The following SLC4A10 variants were observed in gnomAD, a reference collection of about 807,000 sequenced individuals.
The protein encoded by SLC4A10 is sodium-driven chloride bicarbonate exchanger.
A neutral mutation model predicts 137.7 loss-of-function variants in SLC4A10; 42 were observed. The observed-to-expected ratio is 0.30, with a 90% CI of 0.24 to 0.39. The LOEUF (loss-of-function observed/expected upper bound fraction) is 0.39. Ranked by LOEUF, SLC4A10 falls within the 10% of genes least tolerant of loss-of-function variation. SLC4A10 has a pLI of 1.00. For missense variants in SLC4A10, 925 were observed against 1,355.0 expected, an observed-to-expected ratio of 0.68 and a Z score of 4.98; for synonymous variants, 474 against 464.1, an observed-to-expected ratio of 1.02 and a Z score of -0.27.
intron 3 of SLC4A10, among the ~76,000 whole-genome samples, chr2:161,810,401 T>C (rs2056425723): frequency 1.3e-5 from 2 of 152,210 alleles, no homozygotes; most frequent in South Asian, 2.1e-4. Flanking sequence ...TCCTATACTA[T>C]GTTAAATAGG....
intron 1 of SLC4A10, among the ~76,000 whole-genome samples, chr2:161,638,277 A>G (rs2034744585): frequency 6.6e-6 from 1 of 152,158 alleles, no homozygotes; most frequent in African/African-American, 2.4e-5. Flanking sequence ...CTTACATTTA[A>G]GTATTTAATC....
At chr2:161,804,385 A>T in intron 2 of SLC4A10, 64 bp from the exon 3 acceptor site, 1 of 1,529,588 alleles carries the variant, frequency 6.5e-7, no homozygotes, top group Non-Finnish European at 8.9e-7. Context: ...TTAACATGTA[A>T]ATCATCATAT....
chr2:161,743,633 C>G (rs907770858), intron 1 of SLC4A10, among the ~76,000 whole-genome samples: 1 of 151,776 alleles, frequency 6.6e-6, no homozygotes, highest in Non-Finnish European at 1.5e-5. Flanking sequence ...TTTTATGGTT[C>G]CATATACATT....
At position 161,961,828 on chromosome 2, in the gene SLC4A10, C is replaced by G. The variant is rs139167520; in HGVS notation, c.2863-2307C>G. Among the ~76,000 whole-genome samples, 91 of 152,092 alleles carry G rather than the reference C, an allele frequency of 6.0e-4. 1 individual carries two copies. Among genetic ancestry groups the G allele is most frequent in the African/African-American group, 2.1e-3 (86 of 41,484 alleles). ...ATTGAAGAAAACGTTATCAAAAGCC[C>G]ATGAGTTAAATATAATGAGTTTTAA... is the stretch of plus-strand genomic sequence containing the variant. On this transcript the variant is annotated intron_variant, in intron 21 of 26. Coordinates refer to ENST00000446997, the MANE Select transcript of SLC4A10 (RefSeq NM_001178015.2).
intron 2 of SLC4A10, among the ~76,000 whole-genome samples, chr2:161,771,869 A>T (rs1559214601): frequency 6.6e-6 from 1 of 151,858 alleles, no homozygotes; most frequent in Non-Finnish European, 1.5e-5. Context: ...GAAAAGTAAA[A>T]GCAAGGTGAT....
intron 1 of SLC4A10, among the ~76,000 whole-genome samples, chr2:161,666,265 A>G (rs180864081): frequency 1.8e-4 from 27 of 151,802 alleles, no homozygotes; most frequent in African/African-American, 6.5e-4. Context: ...ATTGTACCAA[A>G]TAAAATTTTA....
chr2:161,829,360 A>G (rs2058271277), intron 3 of SLC4A10, among the ~76,000 whole-genome samples: 1 of 152,226 alleles, frequency 6.6e-6, no homozygotes, highest in South Asian at 2.1e-4. Flanking sequence ...AAGTACAGCC[A>G]GGCTGAAGAC....
In SLC4A10 at chr2:161,652,398, G is replaced by C. The variant is rs545412264; in HGVS notation, c.48+27832G>C. 4.6e-5 allele frequency among the ~76,000 whole-genome samples: 7 copies of C among 152,086 alleles called. No homozygotes were observed. In the South Asian group the frequency reaches 1.5e-3, roughly 32 times the overall value. ...GTAATTTTTTCTTGTTGTTTTGAGG[G>C]ATCATGTTGAATGCAAGAGAAAAGA... On this transcript the variant is annotated intron_variant, in intron 1 of 26. Coordinates refer to ENST00000446997, the MANE Select transcript of SLC4A10 (RefSeq NM_001178015.2).
chr2:161,957,413 G>A (rs1025818958), intron 20 of SLC4A10, among the ~76,000 whole-genome samples, 173 bp downstream of exon 20: 9 of 152,158 alleles, frequency 5.9e-5, no homozygotes, highest in Non-Finnish European at 1.0e-4. Context: ...GGGAAATTAC[G>A]TCCTATATTT....
intron 16 of SLC4A10, among the ~76,000 whole-genome samples, chr2:161,944,140 C>G (rs1344058421): frequency 6.6e-6 from 1 of 151,806 alleles, no homozygotes; most frequent in African/African-American, 2.4e-5. Context: ...CAGTCTGCTT[C>G]CACTCAAAGA....
At chr2:161,830,563 A>G (rs2058370957) in intron 3 of SLC4A10, among the ~76,000 whole-genome samples, 1 of 152,078 alleles carries the variant, frequency 6.6e-6, no homozygotes, top group Non-Finnish European at 1.5e-5. Context: ...AAAAAAACCC[A>G]GAAACAAACA....
At chr2:161,661,620 A>G (rs142590370) in intron 1 of SLC4A10, among the ~76,000 whole-genome samples, 1,574 of 152,338 alleles carry the variant, frequency 0.01, 19 homozygotes, top group Middle Eastern at 0.048. Flanking sequence ...ATTTTACTGT[A>G]TGAGATTTTC....
At chr2:161,961,372 T>G (rs1696681181) in intron 21 of SLC4A10, among the ~76,000 whole-genome samples, 1 of 152,068 alleles carries the variant, frequency 6.6e-6, no homozygotes, top group African/African-American at 2.4e-5. Context: ...CTGGGAAAAA[T>G]GAACTGGGAG....
intron 6 of SLC4A10, 122 bp downstream of exon 6, chr2:161,863,184 G>T (rs1332084920): frequency 8.3e-6 from 8 of 968,178 alleles, no homozygotes; most frequent in Non-Finnish European, 1.0e-5. Context: ...GATTATTGTA[G>T]AATTCTTTTC....
At chr2:161,785,704 C>T (rs1272799034) in intron 2 of SLC4A10, among the ~76,000 whole-genome samples, 1 of 151,634 alleles carries the variant, frequency 6.6e-6, no homozygotes, top group Non-Finnish European at 1.5e-5. Context: ...ACAATAAAGG[C>T]CATATATGAC....
chr2:161,767,088 A>G (rs2050891973), intron 1 of SLC4A10, among the ~76,000 whole-genome samples: 1 of 104,994 alleles, frequency 9.5e-6, no homozygotes, highest in Non-Finnish European at 1.9e-5. Context: ...TTAAAGAATT[A>G]AGAAGCATAT....
intron 6 of SLC4A10, among the ~76,000 whole-genome samples, chr2:161,870,826 C>T (rs1005478814): frequency 6.6e-6 from 1 of 151,788 alleles, no homozygotes; most frequent in African/African-American, 2.4e-5. Context: ...AATTTGTGAA[C>T]ATGGTTTGAG....
intron 8 of SLC4A10, among the ~76,000 whole-genome samples, chr2:161,874,778 A>G (rs573423771): frequency 6.6e-6 from 1 of 152,354 alleles, no homozygotes; most frequent in East Asian, 1.9e-4. Flanking sequence ...CTGGCATTAT[A>G]AACTAGCTGA....
chr2:161,971,773 G>A (rs908822511), intron 23 of SLC4A10, among the ~76,000 whole-genome samples: 2 of 152,270 alleles, frequency 1.3e-5, no homozygotes, highest in African/African-American at 2.4e-5. Context: ...TGAAGGCAGC[G>A]GCTGCTCTGC....
Sources: gnomAD v4.1 joint callset for allele counts (sites outside exome capture counted in the v4.1 genomes callset) on GRCh38, gnomAD v4.1.1 for gene constraint, MANE v1.5 for transcripts, NCBI Gene and HGNC (gene_info 2026-07-23, HGNC 2026-07-21) for gene names.